Variants in TJP2 observed in about 807,000 individuals in gnomAD.
TJP2 encodes tight junction protein 2.
A neutral mutation model predicts 133.1 loss-of-function variants in TJP2; 91 were observed. That is an observed-to-expected ratio of 0.68 (90% CI 0.58 to 0.81). The LOEUF is 0.81. TJP2 is among the 40% of genes least tolerant of loss of function. The probability of loss-of-function intolerance (pLI) is 0.00; values close to 1 mark genes in which losing one functional copy is unlikely to be tolerated. For missense variants in TJP2, 1,541 were observed against 1,565.6 expected, an observed-to-expected ratio of 0.98 and a Z score of 0.26; for synonymous variants, 592 against 583.4, an observed-to-expected ratio of 1.01 and a Z score of -0.21.
rs988720358 is a variant in TJP2 at position 69,240,038 on chromosome 9, A to C, written c.2457A>C (p.Gln819His). 1 of 1,614,018 alleles carries C rather than the reference A, an allele frequency of 6.2e-7. No individual in the cohort carries two copies. The highest frequency in any genetic ancestry group is 1.3e-5 in the African/African-American group (1 of 74,894). The change falls in exon 17 of 23, where the codon CAA becomes CAC. Residue 819 changes from glutamine to histidine, a missense_variant. By Grantham distance (24) the Gln-to-His change is conservative. Coordinates refer to ENST00000377245, the MANE Select transcript of TJP2 (RefSeq NM_004817.4). ...TTTTTTTCAACCCAGACTCCAGACA[A>C]GGTGTCAAAACCATGAGACAAAGGT... Reference protein sequence around the residue: ...IVIFFNPDSRQGVKTMRQRLN... With the variant: ...IVIFFNPDSRHGVKTMRQRLN...
chr9:69,244,184 GAAAAAAAA>G (rs35047206), intron 17 of TJP2, among the ~76,000 whole-genome samples: 11 of 58,356 alleles, frequency 1.9e-4, no homozygotes, highest in Non-Finnish European at 3.4e-4. Context: ...CCTGTCTCAG[GAAAAAAAA>G]AAAAAAAAAA....
At chr9:69,155,976 A>C (rs1478151853) in intron 2 of TJP2, among the ~76,000 whole-genome samples, 1 of 152,226 alleles carries the variant, frequency 6.6e-6, no homozygotes, top group Non-Finnish European at 1.5e-5. Context: ...GAGATGCTGC[A>C]CTAGGTGAGA....
chr9:69,231,867 T>C (rs955792), intron 11 of TJP2, among the ~76,000 whole-genome samples: 10,933 of 152,264 alleles, frequency 0.072, 517 homozygotes, highest in African/African-American at 0.12. Context: ...GCATATATGC[T>C]GATGAAGGAA....
At chr9:69,169,046 G>GGGA (rs2132897822) in intron 2 of TJP2, among the ~76,000 whole-genome samples, 1 of 152,108 alleles carries the variant, frequency 6.6e-6, no homozygotes, top group Non-Finnish European at 1.5e-5. Flanking sequence ...GCGGGGACGG[G>GGGA]GGAGGACACA....
intron 17 of TJP2, chr9:69,246,242 A>G (rs1450773368): frequency 4.2e-6 from 1 of 239,128 alleles, no homozygotes; most frequent in Admixed American, 5.1e-5. Context: ...CCAATCCTCT[A>G]CAGATACCAA....
intron 1 of TJP2, among the ~76,000 whole-genome samples, chr9:69,142,323 G>A (rs1055474963): frequency 1.3e-5 from 2 of 152,206 alleles, no homozygotes; most frequent in Non-Finnish European, 2.9e-5. Flanking sequence ...TTTGGGCTGA[G>A]CAGGTGAGTC....
chr9:69,227,128 T>G (rs1196586641), intron 7 of TJP2, among the ~76,000 whole-genome samples: 4 of 4,186 alleles, frequency 9.6e-4, no homozygotes, highest in Non-Finnish European at 2.4e-3. Flanking sequence ...CTTTTGTTGA[T>G]TTTTTTTTTT....
At chr9:69,136,620 G>A (rs1272960165) in intron 1 of TJP2, among the ~76,000 whole-genome samples, 1 of 152,182 alleles carries the variant, frequency 6.6e-6, no homozygotes, top group Admixed American at 6.5e-5. Context: ...ACTTTGCGGT[G>A]TTTCTGGATC....
chr9:69,122,210 GC>G (rs1379837999), intron 1 of TJP2: 2 of 152,272 alleles, frequency 1.3e-5, no homozygotes, highest in Non-Finnish European at 2.9e-5. Flanking sequence ...GATTAAAAGG[GC>G]CTTTGAATTT....
At position 69,231,389 on chromosome 9, in the gene TJP2, C is replaced by T. The variant is rs559178080; in HGVS notation, c.1671+1157C>T. Among the ~76,000 whole-genome samples the T allele has an allele frequency of 1.2e-4, 19 of 152,276 alleles. No individual in the cohort carries two copies. In the East Asian group the frequency reaches 2.3e-3, roughly 19 times the overall value. On this transcript the variant is annotated intron_variant, in intron 11 of 22. Transcript: ENST00000377245. ...CTGGGATTACAGGCGTGAGCCACTG[C>T]GCCCGGCTGGGAACTGTCTTCATTG... is the stretch of plus-strand genomic sequence containing the variant.
chr9:69,125,581 G>A lies in TJP2; in HGVS notation c.-131+3856G>A, dbSNP rs114383976. On this transcript the variant is annotated intron_variant, in intron 1 of 5. Transcript: ENST00000423935. The stretch of plus-strand genomic sequence containing the variant: ...CCACCTTCCAAAGTGCTGAGATTAC[G>A]GGCATGAGCCATTGCACCTGGCTCA... Among the ~76,000 whole-genome samples, 277 of 75,372 alleles carry A rather than the reference G, an allele frequency of 3.7e-3. 103 individuals are homozygous for A. Among genetic ancestry groups the A allele is most frequent in the African/African-American group, 0.011 (267 of 24,656 alleles). 49.4% of individuals were successfully genotyped at this position (75,372 alleles called of 152,430 possible). A position where few individuals can be genotyped will look rare whatever the true frequency, so the allele number is the denominator to read the frequency against.
chr9:69,161,223 TG>T (rs1824054229), intron 2 of TJP2, among the ~76,000 whole-genome samples: 2 of 151,640 alleles, frequency 1.3e-5, no homozygotes, highest in Non-Finnish European at 2.9e-5. Flanking sequence ...GATGTGTGTG[TG>T]TGTGTGTGTG....
At chr9:69,253,837 C>T (rs761919780) in intron 22 of TJP2, 4 of 333,574 alleles carry the variant, frequency 1.2e-5, no homozygotes, top group African/African-American at 4.3e-5. Context: ...AGTGGTAACA[C>T]AGTCAACCAG....
At position 69,128,394 on chromosome 9, in the gene TJP2, A is replaced by G. The variant is rs1822343761; in HGVS notation, c.-131+6669A>G. 1.4e-5 allele frequency among the ~76,000 whole-genome samples: 2 copies of G among 146,044 alleles called. 1 individual carries two copies. The highest frequency in any genetic ancestry group is 5.0e-5 in the African/African-American group (2 of 39,742). ...TTTGGAGTTCCAATTTCATGTCTGC[A>G]TCCACATACATTATTACTGTTGTCT... On this transcript the variant is annotated intron_variant, in intron 1 of 5. Transcript: ENST00000423935.
upstream of TJP2, among the ~76,000 whole-genome samples, chr9:69,172,749 A>T (rs1824757488): frequency 6.6e-6 from 1 of 152,038 alleles, no homozygotes; most frequent in Non-Finnish European, 1.5e-5. Flanking sequence ...AACAATTTTT[A>T]AAAAATAGAG....
chr9:69,198,204 C>T (rs527755771), intron 1 of TJP2, among the ~76,000 whole-genome samples: 79 of 144,472 alleles, frequency 5.5e-4, no homozygotes, highest in African/African-American at 2.0e-3. Context: ...TGCAGTGACA[C>T]TATCTCAGCT....
chr9:69,236,881 G>A (rs536697280), intron 13 of TJP2, 68 bp from the exon 14 acceptor site: 2 of 1,542,874 alleles, frequency 1.3e-6, no homozygotes, highest in Non-Finnish European at 1.8e-6. Context: ...GACTGGATTT[G>A]ATTAATGAAA....
At chr9:69,195,093 C>G (rs1430160222) in intron 1 of TJP2, among the ~76,000 whole-genome samples, 1 of 150,710 alleles carries the variant, frequency 6.6e-6, no homozygotes, top group East Asian at 1.9e-4. Context: ...TGACATTTAG[C>G]TGAGCAGCTC....
At position 69,234,544 on chromosome 9, in the gene TJP2, G is replaced by A. The variant is rs765819513; in HGVS notation, c.1777G>A (p.Asp593Asn). Residue 593 changes from aspartate to asparagine, a missense_variant, in exon 12 of 23, where the codon GAT becomes AAT. Transcript: ENST00000377245. ...GACCATTTTAGCTCAGAGCCGAGCC[G>A]ATGGTGAGCAAATTTGGTCATTTAG... ...MVTILAQSRADVYRDILACGR... is the reference protein window; with the variant it reads ...MVTILAQSRANVYRDILACGR... 16 of 1,203,802 alleles carry A rather than the reference G, an allele frequency of 1.3e-5. No homozygotes were observed. Among genetic ancestry groups the A allele is most frequent in the East Asian group, 4.8e-5 (1 of 20,978 alleles). The allele number at this position is 1,203,802 out of a possible 1,614,324, so 74.6% of individuals were successfully genotyped here.
Sources: allele counts gnomAD v4.1 joint callset (sites outside exome capture counted in the v4.1 genomes callset), GRCh38; gene constraint gnomAD v4.1.1; transcripts MANE v1.5; gene names NCBI Gene and HGNC (gene_info 2026-07-23, HGNC 2026-07-21).